Variants in EML1 observed in about 807,000 individuals in gnomAD.
The protein encoded by EML1 is EMAP like 1.
EML1 carries 27 observed loss-of-function variants against 110.4 expected under a neutral mutation model. That is an observed-to-expected ratio of 0.24 (90% CI 0.18 to 0.34). The LOEUF (loss-of-function observed/expected upper bound fraction) is 0.34, where lower values mean the gene tolerates loss of function less well. Ranked by LOEUF, EML1 falls within the 10% of genes least tolerant of loss-of-function variation. EML1 has a pLI of 1.00. For synonymous variants in EML1, 344 were observed against 385.8 expected (o/e 0.89, Z 1.27); for missense variants, 741 against 1,030.9 (o/e 0.72, Z 3.85).
intron 1 of EML1, among the ~76,000 whole-genome samples, chr14:99,828,773 T>C (rs1449691077): frequency 1.3e-5 from 2 of 152,220 alleles, no homozygotes; most frequent in African/African-American, 2.4e-5. Flanking sequence ...TTATATGTAT[T>C]ATATGCTGTA....
intron 1 of EML1, among the ~76,000 whole-genome samples, chr14:99,749,552 A>G (rs1452031845): frequency 3.3e-5 from 5 of 152,212 alleles, no homozygotes; most frequent in African/African-American, 9.7e-5. Context: ...AGATAATGTC[A>G]GGGTCCTGGG....
chr14:99,745,558 G>A (rs1219282113), intron 1 of EML1, among the ~76,000 whole-genome samples: 1 of 152,206 alleles, frequency 6.6e-6, no homozygotes, highest in Non-Finnish European at 1.5e-5. Flanking sequence ...TACGAACCCT[G>A]TCATAAGAGT....
intron 1 of EML1, among the ~76,000 whole-genome samples, chr14:99,847,734 C>A (rs2058729449): frequency 6.6e-6 from 1 of 152,096 alleles, no homozygotes; most frequent in African/African-American, 2.4e-5. Flanking sequence ...TGATAATTGA[C>A]CCTTTTTTCA....
In EML1 at chr14:99,846,688, C is replaced by T. The variant is rs562668171; in HGVS notation, c.68-4165C>T. Among the ~76,000 whole-genome samples the T allele has an allele frequency of 2.6e-5, 4 of 152,260 alleles. No homozygotes were observed. The East Asian group carries it at 5.8e-4, about 22-fold the overall frequency. On this transcript the variant is annotated intron_variant, in intron 1 of 21. Transcript: ENST00000262233. ...CTTATCACTTTATATGTTTATATAA[C>T]TTATCAAATTATTTTAGAAATTTGT...
chr14:99,753,062 G>T (rs1252883237), intron 1 of EML1, among the ~76,000 whole-genome samples: 1 of 151,988 alleles, frequency 6.6e-6, no homozygotes, highest in Non-Finnish European at 1.5e-5. Flanking sequence ...CCTCAGGATA[G>T]CCATAAGAGG....
At chr14:99,805,430 A>T (rs1236313577) in intron 1 of EML1, among the ~76,000 whole-genome samples, 1 of 152,124 alleles carries the variant, frequency 6.6e-6, no homozygotes, top group Admixed American at 6.5e-5. Flanking sequence ...TCAGTGTTTC[A>T]TCAGCAGCCA....
chr14:99,764,269 T>G (rs975259528), intron 1 of EML1, among the ~76,000 whole-genome samples: 1 of 152,214 alleles, frequency 6.6e-6, no homozygotes, highest in African/African-American at 2.4e-5. Context: ...TCACCCAGGT[T>G]GTTCTCCTTC....
intron 12 of EML1, 39 bp downstream of exon 12, chr14:99,910,380 A>AC: frequency 1.3e-6 from 2 of 1,513,360 alleles, no homozygotes; most frequent in Non-Finnish European, 1.8e-6. Context: ...GGTTTTTGGT[A>AC]ATGTTGTAAG....
chr14:99,737,834 T>G, exon 1 of EML1: 1 of 1,289,272 alleles, frequency 7.8e-7, no homozygotes, highest in Non-Finnish European at 1.0e-6. Flanking sequence ...TTCCACACCA[T>G]GTCGGACGGC....
At chr14:99,750,047 G>A (rs2140171665) in intron 1 of EML1, among the ~76,000 whole-genome samples, 1 of 152,354 alleles carries the variant, frequency 6.6e-6, no homozygotes, top group South Asian at 2.1e-4. Context: ...CCCCTTATCA[G>A]GGAACTTCTG....
chr14:99,848,507 A>G (rs573328017), intron 1 of EML1, among the ~76,000 whole-genome samples: 5 of 152,188 alleles, frequency 3.3e-5, no homozygotes, highest in East Asian at 1.9e-4. Context: ...AAAATAAATG[A>G]AAGCCACTTA....
chr14:99,796,421 A>G (rs555775830), intron 1 of EML1, among the ~76,000 whole-genome samples: 36 of 152,246 alleles, frequency 2.4e-4, no homozygotes, highest in Non-Finnish European at 4.1e-4. Context: ...TTTCTCATTT[A>G]AGCAGAAAAT....
chr14:99,783,718 C>G (rs910933559), intron 1 of EML1, among the ~76,000 whole-genome samples: 1 of 152,154 alleles, frequency 6.6e-6, no homozygotes, highest in Non-Finnish European at 1.5e-5. Flanking sequence ...CTCCTGACCT[C>G]GTGATCTGCC....
At chr14:99,888,607 T>C (rs946090723) in intron 4 of EML1, among the ~76,000 whole-genome samples, 1 of 152,218 alleles carries the variant, frequency 6.6e-6, no homozygotes, top group Non-Finnish European at 1.5e-5. Flanking sequence ...CTGCTTCTGC[T>C]TAGCACACAG....
At chr14:99,815,332 G>A (rs1411618150) in intron 1 of EML1, among the ~76,000 whole-genome samples, 6 of 151,812 alleles carry the variant, frequency 4.0e-5, no homozygotes, top group Non-Finnish European at 2.9e-5. Context: ...TAATAGAGAC[G>A]GGGTTTCACT....
At chr14:99,840,988 G>A (rs539295064) in intron 1 of EML1, among the ~76,000 whole-genome samples, 6 of 152,304 alleles carry the variant, frequency 3.9e-5, no homozygotes, top group African/African-American at 1.4e-4. Flanking sequence ...AACTGCGGGT[G>A]ATGTAGGGGC....
chr14:99,928,311 T>C (rs371274406), intron 17 of EML1, among the ~76,000 whole-genome samples: 2 of 150,372 alleles, frequency 1.3e-5, no homozygotes, highest in African/African-American at 2.5e-5. Context: ...CTGTCTGTTA[T>C]ATTAGGTGGA....
chr14:99,816,780 A>G (rs1241676666), intron 1 of EML1, among the ~76,000 whole-genome samples: 1 of 152,232 alleles, frequency 6.6e-6, no homozygotes. Context: ...GTCCATTTGG[A>G]TGGAGCTGTG....
intron 1 of EML1, among the ~76,000 whole-genome samples, chr14:99,751,048 T>G (rs2057169287): frequency 6.6e-6 from 1 of 152,058 alleles, no homozygotes; most frequent in African/African-American, 2.4e-5. Flanking sequence ...TAGCCTCTTT[T>G]CTTAAAAAAG....
Sources: gnomAD v4.1 joint callset for allele counts (sites outside exome capture counted in the v4.1 genomes callset) on GRCh38, gnomAD v4.1.1 for gene constraint, MANE v1.5 for transcripts, NCBI Gene and HGNC (gene_info 2026-07-23, HGNC 2026-07-21) for gene names.